Variants in ATE1 observed in about 807,000 individuals in gnomAD.
ATE1 encodes arginyltransferase 1, also known as arginyl-tRNA--protein transferase 1.
ATE1 carries 36 observed loss-of-function variants against 70.5 expected under a neutral mutation model. The observed-to-expected ratio is 0.51, with a 90% CI of 0.39 to 0.67. The LOEUF is 0.67. Ranked by LOEUF, ATE1 falls within the 30% of genes least tolerant of loss-of-function variation. The pLI is 0.00. For missense variants in ATE1, 593 were observed against 629.5 expected (o/e 0.94, Z 0.62); for synonymous variants, 232 against 219.3 (o/e 1.06, Z -0.51).
intron 10 of ATE1, among the ~76,000 whole-genome samples, chr10:121,811,954 T>TC (rs1947338022): frequency 7.6e-6 from 1 of 131,264 alleles, no homozygotes; most frequent in African/African-American, 2.9e-5. Flanking sequence ...CCAAATTCTT[T>TC]TTTTTTTTTT....
Position 121,789,365 on chromosome 10 carries a change from C to T in ATE1, c.1378+804G>A, listed in dbSNP as rs975299486. 2.3e-5 allele frequency among the ~76,000 whole-genome samples: 3 copies of T among 132,548 alleles called. No individual in the cohort carries two copies. The Admixed American group carries it at 2.7e-4, about 12-fold the overall frequency. The allele number at this position is 132,548 out of a possible 152,430, so 87.0% of individuals were successfully genotyped here. A position where few individuals can be genotyped will look rare whatever the true frequency, so the allele number is the denominator to read the frequency against. ...CCAGGCTGAAGTGCAATGGCGTAAT[C>T]TCAGCTCACTGAAACCTCCACCTCC... On this transcript the variant is annotated intron_variant, in intron 11 of 11. Coordinates refer to ENST00000224652, the MANE Select transcript of ATE1 (RefSeq NM_001001976.3).
chr10:121,834,713 A>G (rs921052421), intron 10 of ATE1, among the ~76,000 whole-genome samples: 1 of 152,162 alleles, frequency 6.6e-6, no homozygotes, highest in Non-Finnish European at 1.5e-5. Flanking sequence ...AATGGAAAAG[A>G]AGAAAAAAGA....
At chr10:121,754,504 A>C (rs920402161) in intron 11 of ATE1, among the ~76,000 whole-genome samples, 16 of 152,242 alleles carry the variant, frequency 1.1e-4, no homozygotes, top group African/African-American at 3.9e-4. Context: ...CACATTGATT[A>C]GAATGAGATT....
chr10:121,850,109 A>G (rs1948997060), intron 8 of ATE1, among the ~76,000 whole-genome samples: 1 of 152,250 alleles, frequency 6.6e-6, no homozygotes, highest in East Asian at 1.9e-4. Context: ...CTAACTCACT[A>G]TCAAATAATG....
chr10:121,855,968 C>A (rs1428159452), intron 8 of ATE1, among the ~76,000 whole-genome samples: 1 of 150,588 alleles, frequency 6.6e-6, no homozygotes, highest in African/African-American at 2.4e-5. Flanking sequence ...ACCAGCTACT[C>A]GGGAGGCTGA....
rs546677680 is a variant in ATE1, at chr10:121,895,227, G to A, written c.942+4639C>T. Among the ~76,000 whole-genome samples, 108 of 152,250 alleles carry A rather than the reference G, an allele frequency of 7.1e-4. 2 individuals are homozygous for A. The South Asian group carries it at 0.016, about 23-fold the overall frequency. Reference sequence around the variant, plus strand: ...ACCACGTGACCCAGTAATTCCACGCGTACGTATACACCCAAGAAAATACAC... The same window carrying A: ...ACCACGTGACCCAGTAATTCCACGCATACGTATACACCCAAGAAAATACAC... On this transcript the variant is annotated intron_variant, in intron 7 of 11. Transcript: ENST00000224652.
chr10:121,874,670 T>C lies in ATE1; in HGVS notation c.943-4632A>G, dbSNP rs149911971. On this transcript the variant is annotated intron_variant, in intron 7 of 11. Coordinates refer to ENST00000224652, the MANE Select transcript of ATE1 (RefSeq NM_001001976.3). Reference sequence around the variant, plus strand: ...GATTGTTTGTGCTACCTCTTCTGATTACATTTGGCACCTTAGACATTAAGA... The same window carrying C: ...GATTGTTTGTGCTACCTCTTCTGATCACATTTGGCACCTTAGACATTAAGA... 4.7e-3 allele frequency among the ~76,000 whole-genome samples: 722 copies of C among 152,284 alleles called. 5 individuals carry two copies. Among genetic ancestry groups the C allele is most frequent in the Non-Finnish European group, 7.5e-3 (511 of 68,010 alleles).
chr10:121,865,141 C>T (rs1396191603), intron 8 of ATE1, among the ~76,000 whole-genome samples: 1 of 152,166 alleles, frequency 6.6e-6, no homozygotes, highest in East Asian at 1.9e-4. Context: ...ACCTAATCTA[C>T]CTCTCTGGGT....
intron 7 of ATE1, among the ~76,000 whole-genome samples, chr10:121,889,811 T>G (rs1474392868): frequency 6.6e-6 from 1 of 150,820 alleles, no homozygotes; most frequent in East Asian, 1.9e-4. Flanking sequence ...AGACCTTGTC[T>G]CTTAAAAAAA....
At position 121,790,301 on chromosome 10, in the gene ATE1, T is replaced by C. The variant is rs1014782979; in HGVS notation, c.1258-12A>G. On this transcript the variant is annotated splice_polypyrimidine_tract_variant and intron_variant, in intron 10 of 11. Coordinates refer to ENST00000224652, the MANE Select transcript of ATE1 (RefSeq NM_001001976.3). ...GGTCTATACTGACCCTGAAGAAAAG[T>C]GAAGGAAAAAGGCACAGGCATTATT... 1.9e-6 allele frequency: 3 copies of C among 1,609,892 alleles called. No individual in the cohort carries two copies. Among genetic ancestry groups the C allele is most frequent in the Admixed American group, 3.4e-5 (2 of 59,078 alleles).
intron 8 of ATE1, among the ~76,000 whole-genome samples, chr10:121,854,441 T>C (rs549698940): frequency 9.8e-4 from 150 of 152,316 alleles, no homozygotes; most frequent in Non-Finnish European, 1.9e-3. Context: ...CTGGAGGTCA[T>C]CCACTGAGAA....
chr10:121,856,829 G>A (rs183869946), intron 8 of ATE1, among the ~76,000 whole-genome samples: 1 of 152,214 alleles, frequency 6.6e-6, no homozygotes, highest in Non-Finnish European at 1.5e-5. Flanking sequence ...TCTGAGAAGT[G>A]CAACGAAGCG....
intron 11 of ATE1, among the ~76,000 whole-genome samples, chr10:121,773,425 G>GTT (rs1449713342): frequency 1.3e-5 from 2 of 152,152 alleles, no homozygotes; most frequent in Non-Finnish European, 2.9e-5. Flanking sequence ...TAAAACAATT[G>GTT]TTTTGTTCCA....
rs146800152 is a variant in ATE1, at chr10:121,819,066, T to C, written c.1257+17652A>G. Reference sequence around the variant, plus strand: ...TTCTATGATAAACTTCAATTTCCAGTCTAAACAATGGGGTAAATGTGCTGA... The same window carrying C: ...TTCTATGATAAACTTCAATTTCCAGCCTAAACAATGGGGTAAATGTGCTGA... On this transcript the variant is annotated intron_variant, in intron 10 of 11. Coordinates refer to ENST00000224652, the MANE Select transcript of ATE1 (RefSeq NM_001001976.3). Among the ~76,000 whole-genome samples, 402 of 152,304 alleles carry C rather than the reference T, an allele frequency of 2.6e-3. 4 individuals carry two copies. The highest frequency in any genetic ancestry group is 9.3e-3 in the African/African-American group (388 of 41,552).
chr10:121,795,389 GGGAGT>G (rs1310401350), intron 10 of ATE1, among the ~76,000 whole-genome samples: 14 of 152,098 alleles, frequency 9.2e-5, no homozygotes, highest in African/African-American at 3.4e-4. Flanking sequence ...ACAACCTACT[GGGAGT>G]GATAAAGCTG....
At chr10:121,891,303 A>G (rs1285708689) in intron 7 of ATE1, among the ~76,000 whole-genome samples, 1 of 152,080 alleles carries the variant, frequency 6.6e-6, no homozygotes, top group Non-Finnish European at 1.5e-5. Context: ...GTCTTTTATT[A>G]TGCAAATGTG....
At chr10:121,906,770 T>C (rs1474961993) in intron 5 of ATE1, among the ~76,000 whole-genome samples, 9 of 151,906 alleles carry the variant, frequency 5.9e-5, no homozygotes, top group African/African-American at 2.2e-4. Context: ...AGCTAATTTT[T>C]GTATTTTTAA....
At chr10:121,746,890 G>C (rs1944394584) in intron 11 of ATE1, among the ~76,000 whole-genome samples, 1 of 152,166 alleles carries the variant, frequency 6.6e-6, no homozygotes, top group Non-Finnish European at 1.5e-5. Flanking sequence ...ACATCTAAAT[G>C]AGAGTGTTCC....
chr10:121,864,198 G>C (rs370361461), intron 8 of ATE1, among the ~76,000 whole-genome samples: 1 of 152,190 alleles, frequency 6.6e-6, no homozygotes, highest in Non-Finnish European at 1.5e-5. Context: ...GACTGGTTTC[G>C]TGGAAGACAA....
Sources: allele counts gnomAD v4.1 joint callset (sites outside exome capture counted in the v4.1 genomes callset), GRCh38; gene constraint gnomAD v4.1.1; transcripts MANE v1.5; gene names NCBI Gene and HGNC (gene_info 2026-07-23, HGNC 2026-07-21).